Variants in KLK1 observed in about 807,000 individuals in gnomAD.
KLK1 encodes the protein kallikrein 1.
A neutral mutation model predicts 23.3 loss-of-function variants in KLK1; 22 were observed. That is an observed-to-expected ratio of 0.95 (90% CI 0.68 to 1.35). KLK1 has a LOEUF of 1.35. Ranked by LOEUF, KLK1 falls within the 40% of genes most tolerant of loss-of-function variation. The probability of loss-of-function intolerance (pLI) is 0.00; values close to 1 mark genes in which losing one functional copy is unlikely to be tolerated. For missense variants in KLK1, 301 were observed against 338.9 expected, an observed-to-expected ratio of 0.89 and a Z score of 0.88; for synonymous variants, 140 against 135.8, an observed-to-expected ratio of 1.03 and a Z score of -0.21.
Position 50,821,877 on chromosome 19 carries a change from G to A in KLK1, c.47-6C>T. 4 of 1,604,478 alleles carry A rather than the reference G, an allele frequency of 2.5e-6. No individual in the cohort carries two copies. Among genetic ancestry groups the A allele is most frequent in the Non-Finnish European group, 3.4e-6 (4 of 1,173,988 alleles). On this transcript the variant is annotated splice_polypyrimidine_tract_variant and splice_region_variant and intron_variant, in intron 1 of 4. Transcript: ENST00000301420. The surrounding 1 kb of genome is among the most constrained non-coding windows in gnomAD (Gnocchi z 5.6). ...CTGAATCGGGGGCGCAGCACCTGCA[G>A]AGGCGGTGCTGGGTCAGGAAGGGCA...
chr19:50,820,435 T>C lies in KLK1; in HGVS notation c.215A>G (p.Gln72Arg). 6.3e-7 allele frequency: 1 copy of C among 1,591,414 alleles called. No homozygotes were observed. Among genetic ancestry groups the C allele is most frequent in the Non-Finnish European group, 8.5e-7 (1 of 1,172,724 alleles). The change falls in exon 3 of 5, where the codon CAG becomes CGG. Residue 72 changes from glutamine to arginine, a missense_variant. Physicochemically the swap from Gln to Arg is conservative, Grantham distance 43. Coordinates refer to ENST00000301420, the MANE Select transcript of KLK1 (RefSeq NM_002257.4). The stretch of plus-strand genomic sequence containing the variant: ...CAAGTTGTGGCGACCCAGCCAGAGC[T>C]GGTAATTGCTGGGGAAAGATGGGAA... ...TAAHCISDNY[Q>R]LWLGRHNLFD...
At position 50,821,843 on chromosome 19, in the gene KLK1, A is replaced by C; in HGVS notation, c.75T>G (p.Ile25Met). 6.2e-7 allele frequency: 1 copy of C among 1,612,564 alleles called. No homozygotes were observed. Among genetic ancestry groups the C allele is most frequent in the South Asian group, 1.1e-5 (1 of 91,008 alleles). The change falls in exon 2 of 5, where the codon ATT (isoleucine) becomes ATG (methionine). Residue 25 changes from isoleucine to methionine, a missense_variant. Transcript: ENST00000301420. The surrounding 1 kb of genome is among the most constrained non-coding windows in gnomAD (Gnocchi z 5.6). Reference protein sequence around the residue: ...TGAAPPIQSRIVGGWECEQHS... With the variant: ...TGAAPPIQSRMVGGWECEQHS... The stretch of plus-strand genomic sequence containing the variant: ...GCTGCTCACACTCCCAGCCTCCCAC[A>C]ATCCGGGACTGAATCGGGGGCGCAG...
chr19:50,821,968 T>C lies in KLK1; in HGVS notation c.47-97A>G, dbSNP rs2089831266. ...GCTGGGCTGTGGGTCTGAAGGGACA[T>C]TGCGGGTAGAGGACCAGGGCTGGAG... On this transcript the variant is annotated intron_variant, in intron 1 of 4. Coordinates refer to ENST00000301420, the MANE Select transcript of KLK1 (RefSeq NM_002257.4). This position sits in a 1 kb window ranked among gnomAD's most constrained non-coding sequence, Gnocchi z 5.6. The C allele has an allele frequency of 1.3e-6, 2 of 1,489,036 alleles. No individual in the cohort carries two copies. 92.2% of individuals were successfully genotyped at this position (1,489,036 alleles called of 1,614,324 possible).
In KLK1 at chr19:50,819,265, T is replaced by A; in HGVS notation, c.718A>T (p.Lys240Ter). The change falls in exon 5 of 5, where the codon AAG becomes TAG. Residue 240 changes from lysine (K) to a stop codon, truncating the protein, a stop_gained. Transcript: ENST00000301420. LOFTEE classifies it low-confidence loss of function (END_TRUNC). Reference protein sequence around the residue: ...WGYVPCGTPNKPSVAVRVLSY... With the variant: ...WGYVPCGTPN ...AGCACTCTGACGGCGACAGAAGGCT[T>A]ATTGGGGGTGCCACAAGGGACGTAG... 6.2e-7 allele frequency: 1 copy of A among 1,613,998 alleles called. No individual in the cohort carries two copies. The highest frequency in any genetic ancestry group is 1.1e-5 in the South Asian group (1 of 91,068).
Position 50,820,145 on chromosome 19 carries a change from C to A in KLK1, c.496+9G>T. On this transcript the variant is annotated intron_variant, in intron 3 of 4. Transcript: ENST00000301420. ...CCCGCCTTGGGCTACACAGTCTGCC[C>A]CCACATACAATTCTCTGGTTCGATG... is the stretch of plus-strand genomic sequence containing the variant. The A allele has an allele frequency of 6.3e-7, 1 of 1,599,494 alleles. No individual in the cohort carries two copies.
chr19:50,819,633 G>A (rs759569911), intron 4 of KLK1, among the ~76,000 whole-genome samples: 4 of 152,176 alleles, frequency 2.6e-5, no homozygotes, highest in Non-Finnish European at 4.4e-5. Flanking sequence ...CGGGCACATC[G>A]CAGAGGCCAC....
rs1344158667 is a variant in KLK1, at chr19:50,821,895, G to GAAGGGCAGGGTTGGCAGGA, written c.47-43_47-25dup. The GAAGGGCAGGGTTGGCAGGA allele has an allele frequency of 1.9e-6, 3 of 1,591,226 alleles. No homozygotes were observed. The highest frequency in any genetic ancestry group is 3.4e-5 in the Admixed American group (2 of 58,290). ...ACCTGCAGAGGCGGTGCTGGGTCAG[G>GAAGGGCAGGGTTGGCAGGA]AAGGGCAGGGTTGGCAGGAGAGGCC... On this transcript the variant is annotated intron_variant, in intron 1 of 4. Transcript: ENST00000301420. The surrounding 1 kb of genome is among the most constrained non-coding windows in gnomAD (Gnocchi z 5.6).
chr19:50,823,638 G>C, intron 1 of KLK1, 65 bp downstream of exon 1: 2 of 1,082,680 alleles, frequency 1.8e-6, no homozygotes, highest in South Asian at 1.4e-5. Flanking sequence ...CTTATCGGGG[G>C]GGGATGTGAG....
Position 50,819,230 on chromosome 19 carries a change from C to T in KLK1, c.753G>A (p.Val251=), listed in dbSNP as rs1307533741. 1.2e-6 allele frequency: 2 copies of T among 1,614,126 alleles called. No individual in the cohort carries two copies. Among genetic ancestry groups the T allele is most frequent in the East Asian group, 2.2e-5 (1 of 44,884 alleles). The change falls in exon 5 of 5, where the codon GTG becomes GTA. Residue 251 remains valine (V), a synonymous_variant. Coordinates refer to ENST00000301420, the MANE Select transcript of KLK1 (RefSeq NM_002257.4). ...PSVAVRVLSY[V]KWIEDTIAEN... is the part of the protein sequence containing the mutation. ...CCGCTATGGTGTCCTCGATCCACTT[C>T]ACATAAGACAGCACTCTGACGGCGA...
At chr19:50,819,750 A>C in intron 4 of KLK1, 149 bp downstream of exon 4, 3 of 705,414 alleles carry the variant, frequency 4.3e-6, no homozygotes, top group East Asian at 2.6e-5. Context: ...GGGCGGGGGA[A>C]GGAGGGGGAG....
Position 50,823,094 on chromosome 19 carries a change from A to AC in KLK1, c.46+608dup, listed in dbSNP as rs747216077. 572 of 155,256 alleles carry AC rather than the reference A, an allele frequency of 3.7e-3. 4 individuals carry two copies. The highest frequency in any genetic ancestry group is 0.021 in the East Asian group (108 of 5,118). 9.6% of individuals were successfully genotyped at this position (155,256 alleles called of 1,614,324 possible). A position where few individuals can be genotyped will look rare whatever the true frequency, so the allele number is the denominator to read the frequency against. ...GCTGGGTGGGAAGGGACATTTGCAG[A>AC]CCCCCCCCCATACCAGATGGGGGAT... is the stretch of plus-strand genomic sequence containing the variant. On this transcript the variant is annotated intron_variant, in intron 1 of 4. Coordinates refer to ENST00000301420, the MANE Select transcript of KLK1 (RefSeq NM_002257.4).
At chr19:50,820,114 C>T (rs749393296) in intron 3 of KLK1, 40 bp downstream of exon 3, 3 of 1,603,172 alleles carry the variant, frequency 1.9e-6, no homozygotes, top group Non-Finnish European at 2.6e-6. Context: ...CGCAGGAGTC[C>T]CCATCCCCGC....
In KLK1 at chr19:50,821,798, C is replaced by T. The variant is rs556915700; in HGVS notation, c.120G>A (p.Ala40=). Residue 40 remains alanine, a synonymous_variant, in exon 2 of 5, where the codon GCG becomes GCA. Transcript: ENST00000301420. This position sits in a 1 kb window ranked among gnomAD's most constrained non-coding sequence, Gnocchi z 5.6. ...GGAAAGTGCTGAAATGGTACAGAGC[C>T]GCCTGCCAGGGCTGGGAATGCTGCT... is the stretch of plus-strand genomic sequence containing the variant. ...ECEQHSQPWQ[A]ALYHFSTFQC... is the part of the protein sequence containing the mutation. 51 of 1,613,926 alleles carry T rather than the reference C, an allele frequency of 3.2e-5. No homozygotes were observed. The highest frequency in any genetic ancestry group is 5.3e-5 in the African/African-American group (4 of 75,042).
intron 1 of KLK1, chr19:50,822,982 GCTGGGGC>G: frequency 1.1e-6 from 1 of 892,194 alleles, no homozygotes; most frequent in Non-Finnish European, 1.3e-6. Flanking sequence ...GCAGAGAAGG[GCTGGGGC>G]CTGGGGCGGG....
intron 1 of KLK1, 64 bp downstream of exon 1, chr19:50,823,639 G>A (rs1012381710): frequency 1.1e-5 from 12 of 1,095,030 alleles, no homozygotes; most frequent in Non-Finnish European, 1.7e-5. Context: ...TTATCGGGGG[G>A]GGATGTGAGG....
At chr19:50,823,553 A>G (rs761403249) in intron 1 of KLK1, 150 bp downstream of exon 1, 12 of 522,170 alleles carry the variant, frequency 2.3e-5, no homozygotes, top group African/African-American at 3.8e-5. Flanking sequence ...CGCAAGATAG[A>G]TAAGAGCCGG....
Position 50,820,200 on chromosome 19 carries a change from C to T in KLK1, c.450G>A (p.Gly150=). The change falls in exon 3 of 5, where the codon GGG becomes GGA. Residue 150 remains glycine (G), a synonymous_variant. Coordinates refer to ENST00000301420, the MANE Select transcript of KLK1 (RefSeq NM_002257.4). ...CCCAGCCGGAAGCCAAACAGGTGCT[C>T]CCCACTTCGGGTTCCTCGGTGGGCA... ...VELPTEEPEV[G]STCLASGWGS... 6.2e-7 allele frequency: 1 copy of T among 1,610,868 alleles called. No homozygotes were observed. Among genetic ancestry groups the T allele is most frequent in the South Asian group, 1.1e-5 (1 of 90,896 alleles).
chr19:50,820,625 T>G (rs2659103), intron 2 of KLK1, 182 bp from the exon 3 acceptor site: 378,763 of 551,972 alleles, frequency 0.69, 131,185 homozygotes, highest in East Asian at 0.79. Context: ...AGATGAAAGA[T>G]TTTGAGAGTG....
rs755874545 is a variant in KLK1 at position 50,821,749 on chromosome 19, G to A, written c.169C>T (p.Arg57Cys). Residue 57 changes from arginine to cysteine, a missense_variant, in exon 2 of 5, where the codon CGC becomes TGC. Transcript: ENST00000301420. The surrounding 1 kb of genome is among the most constrained non-coding windows in gnomAD (Gnocchi z 5.6). ...TGAGCAGCTGTGAGCACCCACTGGC[G>A]GTGCACCAGGATGCCCCCACACTGG... ...TFQCGGILVH[R>C]QWVLTAAHCI... The A allele has an allele frequency of 5.6e-6, 9 of 1,613,600 alleles. No homozygotes were observed. The highest frequency in any genetic ancestry group is 3.3e-5 in the South Asian group (3 of 91,042).
Sources: gnomAD v4.1 joint callset for allele counts (sites outside exome capture counted in the v4.1 genomes callset) on GRCh38, gnomAD v4.1.1 for gene constraint, Gnocchi (gnomAD v3.1) non-coding constraint, MANE v1.5 for transcripts, NCBI Gene and HGNC (gene_info 2026-07-23, HGNC 2026-07-21) for gene names.